The following TMEM176B variants were observed in gnomAD, a reference collection of about 807,000 sequenced individuals.
TMEM176B encodes the protein LR8-like protein.
Under a neutral mutation model 30.3 loss-of-function variants are expected in TMEM176B, and 28 were observed. The ratio of observed to expected loss-of-function variants is 0.92; its 90% confidence interval spans 0.68 to 1.27. The LOEUF (loss-of-function observed/expected upper bound fraction) is 1.27, where lower values mean the gene tolerates loss of function less well. Ranked by LOEUF, TMEM176B falls within the 50% of genes most tolerant of loss-of-function variation. The pLI, the probability that TMEM176B is intolerant of heterozygous loss-of-function variation, is 0.00. For missense variants in TMEM176B, 349 were observed against 327.4 expected (o/e 1.07, Z -0.51); for synonymous variants, 123 against 130.3 (o/e 0.94, Z 0.38).
Position 150,796,393 on chromosome 7 carries a change from C to T in TMEM176B, c.177G>A (p.Arg59=). 1 of 1,614,208 alleles carries T rather than the reference C, an allele frequency of 6.2e-7. No homozygotes were observed. The highest frequency in any genetic ancestry group is 8.5e-7 in the Non-Finnish European group (1 of 1,180,044). ...HPGDTVPSTA[R]IGYEQLALGV... is the part of the protein sequence containing the mutation. The stretch of plus-strand genomic sequence containing the variant: ...CTAGAGCCAGCTGCTCATAACCAAT[C>T]CTGGCTGTGGAAGGCACAGTGTCCC... Residue 59 remains arginine, a synonymous_variant, in exon 2 of 7, where the codon AGG becomes AGA. Transcript: ENST00000326442.
chr7:150,791,752 C>CAAAAA, intron 6 of TMEM176B, 129 bp from the exon 7 acceptor site: 1 of 746,248 alleles, frequency 1.3e-6, no homozygotes, highest in Non-Finnish European at 2.0e-6. Context: ...GCAGATCAGG[C>CAAAAA]AAAAAAAAAA....
At position 150,796,448 on chromosome 7, in the gene TMEM176B, C is replaced by T. The variant is rs765414419; in HGVS notation, c.122G>A (p.Gly41Asp). The T allele has an allele frequency of 1.2e-6, 2 of 1,614,214 alleles. No individual in the cohort carries two copies. The highest frequency in any genetic ancestry group is 2.2e-5 in the East Asian group (1 of 44,882). Residue 41 changes from glycine to aspartate, a missense_variant, in exon 2 of 7, where the codon GGT becomes GAT. By Grantham distance (94) the Gly-to-Asp change is moderately conservative (BLOSUM62 -1). Transcript: ENST00000326442. ...GTGAAAAAGAAACTTCTTCAGAGAA[C>T]CTCCAGCTTTCAGCAGTTGTGTCAA... ...SALTQLLKAG[G>D]SLKKFLFHPG...
intron 1 of TMEM176B, among the ~76,000 whole-genome samples, chr7:150,797,773 A>T (rs562635218): frequency 1.3e-5 from 2 of 152,122 alleles, no homozygotes; most frequent in South Asian, 4.1e-4. Context: ...TTCTTCACTC[A>T]TTTGTGTAAC....
intron 1 of TMEM176B, 197 bp from the exon 2 acceptor site, chr7:150,796,771 C>A: frequency 3.5e-6 from 2 of 570,664 alleles, no homozygotes; most frequent in Non-Finnish European, 6.2e-6. Context: ...CCAGCCTGGC[C>A]AATGTGGCAA....
At position 150,793,569 on chromosome 7, in the gene TMEM176B, T is replaced by C; in HGVS notation, c.347A>G (p.His116Arg). 1 of 1,613,642 alleles carries C rather than the reference T, an allele frequency of 6.2e-7. No homozygotes were observed. Among genetic ancestry groups the C allele is most frequent in the Non-Finnish European group, 8.5e-7 (1 of 1,179,828 alleles). ...AGCAAGTTTGCCCGGGTGCTTCTCA[T>C]GGACAATGGCCCCAGCTCCTGCTGC... ...VIAAGAGAIV[H>R]EKHPGKLAGY... Residue 116 changes from histidine to arginine, a missense_variant, in exon 4 of 7, where the codon CAT becomes CGT. His to Arg is a conservative substitution (Grantham distance 29). Transcript: ENST00000326442.
chr7:150,797,298 G>A (rs751104880), intron 1 of TMEM176B, among the ~76,000 whole-genome samples: 2 of 152,086 alleles, frequency 1.3e-5, no homozygotes, highest in East Asian at 1.9e-4. Flanking sequence ...GTGATCACAC[G>A]ATCATATGTT....
chr7:150,797,135 C>G (rs1438619990), intron 1 of TMEM176B, among the ~76,000 whole-genome samples: 2 of 152,170 alleles, frequency 1.3e-5, no homozygotes, highest in Admixed American at 6.5e-5. Flanking sequence ...CTTTTTCCCT[C>G]AACCACCTAT....
upstream of TMEM176B, chr7:150,801,099 T>G (rs934038705): frequency 6.8e-6 from 4 of 590,800 alleles, no homozygotes; most frequent in Non-Finnish European, 8.5e-6. Flanking sequence ...GATGGGGGTA[T>G]CCGGAGCGCA....
rs1798424358 is a variant in TMEM176B, at chr7:150,794,055, A to G, written c.221T>C (p.Leu74Pro). The change falls in exon 3 of 7, where the codon CTG (leucine) becomes CCG (proline). Residue 74 changes from leucine (L) to proline (P), a missense_variant. Leu to Pro is a moderately conservative substitution (Grantham distance 98). Coordinates refer to ENST00000326442, the MANE Select transcript of TMEM176B (RefSeq NM_001101312.2). Reference protein sequence around the residue: ...QLALGVTQILLGVVSCVLGVC... With the variant: ...QLALGVTQILPGVVSCVLGVC... ...TCCAAGAACACAACTCACAACCCCCAGCAATATCTGAGTCACCTGCAAGAC... is the reference window on the plus strand; with the variant it reads ...TCCAAGAACACAACTCACAACCCCCGGCAATATCTGAGTCACCTGCAAGAC... The G allele has an allele frequency of 6.2e-7, 1 of 1,613,564 alleles. No homozygotes were observed. The highest frequency in any genetic ancestry group is 8.5e-7 in the Non-Finnish European group (1 of 1,179,722).
intron 1 of TMEM176B, 94 bp from the exon 2 acceptor site, chr7:150,796,668 C>G: frequency 3.1e-6 from 4 of 1,282,344 alleles, no homozygotes; most frequent in South Asian, 2.7e-5. Flanking sequence ...GTGTCTTTGT[C>G]AAGATCCCAG....
At chr7:150,792,620 A>T (rs570794180) in intron 5 of TMEM176B, among the ~76,000 whole-genome samples, 1 of 152,276 alleles carries the variant, frequency 6.6e-6, no homozygotes, top group East Asian at 1.9e-4. Context: ...CGGACCATGC[A>T]ACTACATCAT....
chr7:150,801,111 C>A, upstream of TMEM176B: 1 of 472,696 alleles, frequency 2.1e-6, no homozygotes, highest in Non-Finnish European at 2.8e-6. Flanking sequence ...CGGAGCGCAG[C>A]CGGGGCGCAG....
intron 2 of TMEM176B, 92 bp from the exon 3 acceptor site, chr7:150,794,163 C>T (rs981999661): frequency 8.1e-5 from 69 of 854,308 alleles, no homozygotes; most frequent in Non-Finnish European, 1.2e-4. Context: ...ACCTAGGTGG[C>T]TCTCCTCTCC....
intron 1 of TMEM176B, among the ~76,000 whole-genome samples, chr7:150,798,543 G>A (rs927991741): frequency 7.9e-5 from 12 of 152,138 alleles, no homozygotes. Flanking sequence ...CCAAAGTGCT[G>A]AGATTACAGG....
Position 150,796,465 on chromosome 7 carries a change from T to C in TMEM176B, c.105A>G (p.Gln35=), listed in dbSNP as rs150341727. The part of the protein sequence containing the change: ...VHIHQESALT[Q]LLKAGGSLKK... ...TCAGAGAACCTCCAGCTTTCAGCAG[T>C]TGTGTCAAAGCTGACTCCTGGTGGA... is the stretch of plus-strand genomic sequence containing the variant. The change falls in exon 2 of 7, where the codon CAA becomes CAG. Residue 35 remains glutamine (Q), a synonymous_variant. Coordinates refer to ENST00000326442, the MANE Select transcript of TMEM176B (RefSeq NM_001101312.2). 38 of 1,614,184 alleles carry C rather than the reference T, an allele frequency of 2.4e-5. No homozygotes were observed. In the African/African-American group the frequency reaches 4.9e-4, roughly 21 times the overall value.
At chr7:150,793,486 G>A in intron 4 of TMEM176B, 58 bp downstream of exon 4, 1 of 1,594,310 alleles carries the variant, frequency 6.3e-7, no homozygotes, top group Non-Finnish European at 8.6e-7. Flanking sequence ...ACAGATAATG[G>A]AGCAGAATTC....
chr7:150,794,401 G>C (rs995650272), intron 2 of TMEM176B, among the ~76,000 whole-genome samples: 2 of 150,614 alleles, frequency 1.3e-5, no homozygotes, highest in African/African-American at 4.9e-5. Flanking sequence ...CAAACCCCCA[G>C]CCTGACCTGA....
rs112723979 is a variant in TMEM176B at position 150,796,578 on chromosome 7, C to A, written c.-5-4G>T. The A allele has an allele frequency of 2.5e-6, 4 of 1,613,314 alleles. No homozygotes were observed. The Admixed American group carries it at 5.0e-5, about 20-fold the overall frequency. On this transcript the variant is annotated splice_polypyrimidine_tract_variant and splice_region_variant and intron_variant, in intron 1 of 6. Transcript: ENST00000326442. ...ACCGTGTTTTGCGTCATCCTGCCTG[C>A]CAGGGAGAAGACATATAGCAGTGAG...
intron 1 of TMEM176B, among the ~76,000 whole-genome samples, chr7:150,797,880 C>A (rs1455026980): frequency 1.3e-5 from 2 of 152,148 alleles, no homozygotes; most frequent in African/African-American, 4.8e-5. Flanking sequence ...CCATTACAGA[C>A]AATGTGGAAT....
Sources: gnomAD v4.1 joint callset for allele counts (sites outside exome capture counted in the v4.1 genomes callset) on GRCh38, gnomAD v4.1.1 for gene constraint, MANE v1.5 for transcripts, NCBI Gene and HGNC (gene_info 2026-07-23, HGNC 2026-07-21) for gene names.